The following ALG5 variants were observed in gnomAD, a reference collection of about 807,000 sequenced individuals.
The protein encoded by ALG5 is ALG5 dolichyl-phosphate beta-glucosyltransferase.
ALG5 carries 26 observed loss-of-function variants against 51.8 expected under a neutral mutation model. The ratio of observed to expected loss-of-function variants is 0.50; its 90% CI spans 0.37 to 0.70. The LOEUF is 0.70. ALG5 is among the 30% of genes least tolerant of loss of function. The pLI is 0.00. For missense variants in ALG5, 311 were observed against 399.3 expected, an observed-to-expected ratio of 0.78 and a Z score of 1.88; for synonymous variants, 141 against 136.1, an observed-to-expected ratio of 1.04 and a Z score of -0.25.
chr13:36,956,042 G>T (rs2058838516), intron 8 of ALG5, among the ~76,000 whole-genome samples: 1 of 152,050 alleles, frequency 6.6e-6, no homozygotes, highest in Non-Finnish European at 1.5e-5. Flanking sequence ...CACAACAAAA[G>T]AAATACTAAC....
chr13:36,974,440 A>G (rs1002196057), intron 6 of ALG5, among the ~76,000 whole-genome samples: 3 of 152,218 alleles, frequency 2.0e-5, no homozygotes, highest in Non-Finnish European at 2.9e-5. Flanking sequence ...TTATCTTACT[A>G]CCTAAAAGCA....
rs1242715936 is a variant in ALG5, at chr13:36,995,530, A to G, written c.133T>C (p.Phe45Leu). The G allele has an allele frequency of 8.1e-6, 13 of 1,603,342 alleles. No individual in the cohort carries two copies. The highest frequency in any genetic ancestry group is 1.1e-5 in the Non-Finnish European group (13 of 1,177,690). Reference sequence around the variant, plus strand: ...TTCTGGCCTTTGGCATTTAAGAAGAATTTCTCTTCTTCATGTCGATGGAGT... The same window carrying G: ...TTCTGGCCTTTGGCATTTAAGAAGAGTTTCTCTTCTTCATGTCGATGGAGT... Reference protein sequence around the residue: ...PALHRHEEEKFFLNAKGQKET... With the variant: ...PALHRHEEEKLFLNAKGQKET... The change falls in exon 2 of 10, where the codon TTC becomes CTC. Residue 45 changes from phenylalanine to leucine, a missense_variant. Transcript: ENST00000239891.
intron 4 of ALG5, among the ~76,000 whole-genome samples, chr13:36,989,947 T>C (rs928995147): frequency 6.6e-6 from 1 of 152,238 alleles, no homozygotes; most frequent in Non-Finnish European, 1.5e-5. Flanking sequence ...GATTGGGCCC[T>C]TAACACTGGT....
intron 7 of ALG5, among the ~76,000 whole-genome samples, chr13:36,966,546 GTT>G (rs1381590999): frequency 2.0e-5 from 3 of 152,178 alleles, no homozygotes; most frequent in Non-Finnish European, 4.4e-5. Flanking sequence ...GACGCCTTCT[GTT>G]GTCCAGGCTA....
chr13:36,983,097 T>C (rs1392921841), intron 6 of ALG5, among the ~76,000 whole-genome samples: 2 of 152,214 alleles, frequency 1.3e-5, no homozygotes, highest in Non-Finnish European at 2.9e-5. Context: ...ATTTTTGTTT[T>C]ATTGTTTGGT....
At chr13:36,957,343 TGGGC>T (rs1252137230) in intron 8 of ALG5, among the ~76,000 whole-genome samples, 1 of 151,538 alleles carries the variant, frequency 6.6e-6, no homozygotes, top group African/African-American at 2.4e-5. Flanking sequence ...TCTCACTGGT[TGGGC>T]GGAGGCCTTC....
At chr13:36,953,934 T>C (rs559239426) in intron 8 of ALG5, among the ~76,000 whole-genome samples, 8 of 152,288 alleles carry the variant, frequency 5.3e-5, no homozygotes, top group Admixed American at 1.3e-4. Flanking sequence ...GTTCTAATGA[T>C]ACTTGATAAC....
At chr13:36,974,355 A>ATTAT (rs1381712643) in intron 6 of ALG5, among the ~76,000 whole-genome samples, 31 of 152,348 alleles carry the variant, frequency 2.0e-4, no homozygotes, top group African/African-American at 7.5e-4. Context: ...ATAAATTTAA[A>ATTAT]AGTGCTCATT....
intron 9 of ALG5, among the ~76,000 whole-genome samples, chr13:36,950,328 T>C (rs1049321983): frequency 1.3e-5 from 2 of 152,134 alleles, no homozygotes; most frequent in Non-Finnish European, 2.9e-5. Flanking sequence ...AAGGACTACA[T>C]ATGGTGAGGG....
In ALG5 at chr13:36,963,723, C is replaced by T. The variant is rs572090020; in HGVS notation, c.773+1852G>A. Among the ~76,000 whole-genome samples, 3 of 152,244 alleles carry T rather than the reference C, an allele frequency of 2.0e-5. No homozygotes were observed. The East Asian group carries it at 5.8e-4, about 29-fold the overall frequency. On this transcript the variant is annotated intron_variant, in intron 8 of 9. Coordinates refer to ENST00000239891, the MANE Select transcript of ALG5 (RefSeq NM_013338.5). ...AGTCTGAATGATAATTCTGAAAATACATTTTTTAAAGTAGTATTTTGGGGG... is the reference window on the plus strand; with the variant it reads ...AGTCTGAATGATAATTCTGAAAATATATTTTTTAAAGTAGTATTTTGGGGG...
Position 36,971,926 on chromosome 13 carries a change from G to A in ALG5, c.621+51C>T, listed in dbSNP as rs759146246. ...CTTGCCAGATATATATATAAAAAAA[G>A]AAATAAAAGCCAATTAATTGGCTGT... is the stretch of plus-strand genomic sequence containing the variant. On this transcript the variant is annotated intron_variant, in intron 7 of 9. Transcript: ENST00000239891. The A allele has an allele frequency of 1.2e-5, 17 of 1,428,588 alleles. No homozygotes were observed. The Admixed American group carries it at 2.0e-4, about 17-fold the overall frequency. The allele number at this position is 1,428,588 out of a possible 1,614,324, so 88.5% of individuals were successfully genotyped here.
chr13:36,999,212 C>A, intron 1 of ALG5, 23 bp downstream of exon 1: 1 of 1,554,040 alleles, frequency 6.4e-7, no homozygotes, highest in Non-Finnish European at 8.7e-7. Flanking sequence ...CCGGCCTGCG[C>A]GGGTTCCCAT....
chr13:36,981,314 T>C (rs1390754040), intron 6 of ALG5, among the ~76,000 whole-genome samples: 1 of 152,074 alleles, frequency 6.6e-6, no homozygotes, highest in Non-Finnish European at 1.5e-5. Context: ...GTCAAAGCAA[T>C]ATTGTAAAAG....
chr13:36,997,591 G>C (rs964039685), intron 1 of ALG5, among the ~76,000 whole-genome samples: 1 of 152,042 alleles, frequency 6.6e-6, no homozygotes, highest in Non-Finnish European at 1.5e-5. Flanking sequence ...ATCCTGATTG[G>C]AACAAACAGA....
chr13:36,953,800 A>G (rs2058828088), intron 8 of ALG5, among the ~76,000 whole-genome samples: 1 of 152,188 alleles, frequency 6.6e-6, no homozygotes, highest in Admixed American at 6.5e-5. Flanking sequence ...TGTATTTTAA[A>G]ACTTTCGTCC....
intron 5 of ALG5, among the ~76,000 whole-genome samples, chr13:36,987,135 T>C (rs1395239314): frequency 6.6e-6 from 1 of 152,176 alleles, no homozygotes; most frequent in African/African-American, 2.4e-5. Flanking sequence ...TCATCTGACA[T>C]ATGTGGATGA....
At chr13:36,975,265 T>G (rs2058945212) in intron 6 of ALG5, among the ~76,000 whole-genome samples, 1 of 152,178 alleles carries the variant, frequency 6.6e-6, no homozygotes, top group Non-Finnish European at 1.5e-5. Context: ...TGGTATTTCT[T>G]TTATCTGTGG....
intron 1 of ALG5, among the ~76,000 whole-genome samples, chr13:36,997,625 G>C (rs886074671): frequency 2.6e-5 from 4 of 152,154 alleles, no homozygotes; most frequent in Non-Finnish European, 5.9e-5. Context: ...ACATATATGA[G>C]ACAAGTGAGG....
At chr13:36,983,856 C>T (rs1246850580) in intron 6 of ALG5, among the ~76,000 whole-genome samples, 2 of 151,578 alleles carry the variant, frequency 1.3e-5, no homozygotes, top group Non-Finnish European at 2.9e-5. Context: ...ATATACTTCA[C>T]AAAGTGTGGA....
Sources: allele counts gnomAD v4.1 joint callset (sites outside exome capture counted in the v4.1 genomes callset), GRCh38; gene constraint gnomAD v4.1.1; transcripts MANE v1.5; gene names NCBI Gene and HGNC (gene_info 2026-07-23, HGNC 2026-07-21).